The following KCNN3 variants were observed in gnomAD, a reference collection of about 807,000 sequenced individuals.
KCNN3 encodes the protein small conductance calcium-activated potassium channel protein 3.
A neutral mutation model predicts 62.9 loss-of-function variants in KCNN3; 16 were observed. The observed-to-expected ratio is 0.25, with a 90% CI of 0.17 to 0.39. KCNN3 has a LOEUF of 0.39. Among genes scored for constraint, KCNN3 ranks in the 10% least tolerant of loss-of-function variants. KCNN3 has a pLI of 1.00. For synonymous variants in KCNN3, 370 were observed against 389.2 expected, an observed-to-expected ratio of 0.95 and a Z score of 0.58; for missense variants, 599 against 949.4, an observed-to-expected ratio of 0.63 and a Z score of 4.85.
intron 7 of KCNN3, 77 bp from the exon 8 acceptor site, chr1:154,708,349 C>T: frequency 9.7e-6 from 14 of 1,438,172 alleles, no homozygotes; most frequent in South Asian, 4.6e-5. Context: ...AGAAATGAAA[C>T]GCCCTCCACA....
At chr1:154,781,744 A>G (rs1363722206) in intron 2 of KCNN3, among the ~76,000 whole-genome samples, 1 of 152,220 alleles carries the variant, frequency 6.6e-6, no homozygotes, top group Non-Finnish European at 1.5e-5. Context: ...TCATTCATTC[A>G]TTGAGCATGA....
At chr1:154,858,133 C>G (rs886875035) in intron 1 of KCNN3, among the ~76,000 whole-genome samples, 1 of 152,182 alleles carries the variant, frequency 6.6e-6, no homozygotes, top group African/African-American at 2.4e-5. Context: ...AAATGCCCTC[C>G]CACCAGGCTC....
chr1:154,825,529 C>T (rs1435693823), intron 1 of KCNN3, among the ~76,000 whole-genome samples: 2 of 151,672 alleles, frequency 1.3e-5, no homozygotes, highest in African/African-American at 4.8e-5. Context: ...CTACACCCGG[C>T]TAATTTTTTT....
chr1:154,760,595 G>A (rs1571248279), intron 3 of KCNN3, among the ~76,000 whole-genome samples: 1 of 152,224 alleles, frequency 6.6e-6, no homozygotes, highest in East Asian at 1.9e-4. Flanking sequence ...CCCTCCCTGC[G>A]CCCCCTGGCG....
Position 154,820,805 on chromosome 1 carries a change from G to T in KCNN3, c.1029+1284C>A, listed in dbSNP as rs1022506501. On this transcript the variant is annotated intron_variant, in intron 2 of 7. Transcript: ENST00000271915. Reference sequence around the variant, plus strand: ...CTGAAGAGTCCCAGCATCCAGGTCAGTATCCTCTAGTCATTGACAGAATGC... The same window carrying T: ...CTGAAGAGTCCCAGCATCCAGGTCATTATCCTCTAGTCATTGACAGAATGC... Among the ~76,000 whole-genome samples, 15 of 152,354 alleles carry T rather than the reference G, an allele frequency of 9.8e-5. No individual in the cohort carries two copies. The East Asian group carries it at 2.9e-3, about 29-fold the overall frequency.
intron 3 of KCNN3, among the ~76,000 whole-genome samples, chr1:154,745,172 T>C (rs1461276791): frequency 6.6e-6 from 1 of 152,188 alleles, no homozygotes; most frequent in African/African-American, 2.4e-5. Flanking sequence ...TAATTCAAGG[T>C]AACAGCCCTG....
intron 1 of KCNN3, chr1:154,859,889 C>CGCCGGGCGCGGTGGCTCACGCCTGT: frequency 6.8e-7 from 1 of 1,474,864 alleles, no homozygotes; most frequent in Non-Finnish European, 9.1e-7. Flanking sequence ...GAAAAATGCC[C>CGCCGGGCGCGGTGGCTCACGCCTGT]AACAAGCTGA....
At chr1:154,712,796 T>C (rs2101760942) in intron 7 of KCNN3, among the ~76,000 whole-genome samples, 1 of 152,200 alleles carries the variant, frequency 6.6e-6, no homozygotes, top group East Asian at 1.9e-4. Context: ...ACCTGGGTGA[T>C]TTGCAAGAGG....
chr1:154,810,343 C>T (rs575562606), intron 2 of KCNN3, among the ~76,000 whole-genome samples: 76 of 152,280 alleles, frequency 5.0e-4, no homozygotes, highest in African/African-American at 1.8e-3. Flanking sequence ...ATCAGGGACA[C>T]TGTGACTCCA....
Position 154,834,897 on chromosome 1 carries a change from C to T in KCNN3, c.934-12713G>A, listed in dbSNP as rs146667113. On this transcript the variant is annotated intron_variant, in intron 1 of 7. Coordinates refer to ENST00000271915, the MANE Select transcript of KCNN3 (RefSeq NM_002249.6). ...TGAGACCTACACCCTGAGCTCTTCA[C>T]GGAGGAGGTCGCTTGTTCCTGCTCC... 8.2e-3 allele frequency among the ~76,000 whole-genome samples: 1,246 copies of T among 152,290 alleles called. 20 individuals are homozygous for T. Among genetic ancestry groups the T allele is most frequent in the African/African-American group, 0.028 (1,155 of 41,546 alleles).
Position 154,822,142 on chromosome 1 carries a change from A to G in KCNN3, c.976T>C (p.Ser326Pro). The change falls in exon 2 of 8, where the codon TCC becomes CCC. Residue 326 changes from serine to proline, a missense_variant. By Grantham distance (74) the Ser-to-Pro change is moderately conservative (BLOSUM62 -1). Around this residue, in one of 7 missense-constraint regions of KCNN3, gnomAD observed 288 missense variants for 557.4 expected, o/e 0.52. Transcript: ENST00000271915. ...SLALKCLISL[S>P]TIILLGLIIA... ...ATCAAGCCCAAAAGGATGATGGTGG[A>G]CAGACTGATAAGGCATTTCAGGGCC... The G allele has an allele frequency of 6.2e-7, 1 of 1,614,170 alleles. No individual in the cohort carries two copies. Among genetic ancestry groups the G allele is most frequent in the Non-Finnish European group, 8.5e-7 (1 of 1,179,984 alleles).
intron 3 of KCNN3, among the ~76,000 whole-genome samples, chr1:154,753,997 T>C (rs949605093): frequency 2.6e-5 from 4 of 152,230 alleles, no homozygotes; most frequent in African/African-American, 9.6e-5. Context: ...AGGGGCCATG[T>C]GCTGTCCCTT....
intron 3 of KCNN3, among the ~76,000 whole-genome samples, chr1:154,744,925 CAAA>C (rs5777930): frequency 5.7e-4 from 75 of 132,438 alleles, no homozygotes; most frequent in African/African-American, 9.1e-4. Flanking sequence ...CACATTAAGG[CAAA>C]AAAAAAAAAA....
At chr1:154,744,752 G>A (rs1434670942) in intron 3 of KCNN3, among the ~76,000 whole-genome samples, 1 of 152,122 alleles carries the variant, frequency 6.6e-6, no homozygotes, top group Non-Finnish European at 1.5e-5. Context: ...AAAATGGGGT[G>A]AAATCATCAT....
Position 154,756,285 on chromosome 1 carries a change from AAGG to A in KCNN3, c.1448+15687_1448+15689del, listed in dbSNP as rs537090649. 4.9e-3 allele frequency among the ~76,000 whole-genome samples: 734 copies of A among 149,252 alleles called. 10 individuals carry two copies. The highest frequency in any genetic ancestry group is 0.017 in the African/African-American group (688 of 40,632). On this transcript the variant is annotated intron_variant, in intron 3 of 7. Coordinates refer to ENST00000271915, the MANE Select transcript of KCNN3 (RefSeq NM_002249.6). ...AGAAGAAGAAGACGACGACGATGAAAAGGAGGAGGAGGAGGAAGAGGAAGAGGA... is the reference window on the plus strand; with the variant it reads ...AGAAGAAGAAGACGACGACGATGAAAAGGAGGAGGAGGAAGAGGAAGAGGA...
Position 154,708,079 on chromosome 1 carries a change from A to C in KCNN3, c.2093T>G (p.Val698Gly). The change falls in exon 8 of 8, where the codon GTC becomes GGC. Residue 698 changes from valine to glycine, a missense_variant. By Grantham distance (109) the Val-to-Gly change is moderately radical. Transcript: ENST00000271915. ...LLSAIIEARG[V>G]SVAVGTTHTP... ...GTGGGTGGTGCCCACTGCCACGCTG[A>C]CACCCCGGGCCTCGATGATGGCAGA... The C allele has an allele frequency of 6.2e-7, 1 of 1,613,706 alleles. No individual in the cohort carries two copies.
At chr1:154,797,130 C>G (rs1374069527) in intron 2 of KCNN3, among the ~76,000 whole-genome samples, 4 of 152,228 alleles carry the variant, frequency 2.6e-5, no homozygotes, top group Non-Finnish European at 5.9e-5. Context: ...CACCTCGTCC[C>G]TCCCCCTAGA....
At chr1:154,781,408 T>A (rs572529066) in intron 2 of KCNN3, among the ~76,000 whole-genome samples, 1 of 152,344 alleles carries the variant, frequency 6.6e-6, no homozygotes, top group East Asian at 1.9e-4. Context: ...GTTTTCCATT[T>A]TCTCTGGGCT....
rs956328476 is a variant in KCNN3 at position 154,845,573 on chromosome 1, A to G, written c.934-23389T>C. Among the ~76,000 whole-genome samples the G allele has an allele frequency of 5.3e-5, 8 of 152,170 alleles. No homozygotes were observed. The South Asian group carries it at 1.7e-3, about 32-fold the overall frequency. On this transcript the variant is annotated intron_variant, in intron 1 of 7. Coordinates refer to ENST00000271915, the MANE Select transcript of KCNN3 (RefSeq NM_002249.6). ...TGACTAATGCACACCTGCTTCCCAC[A>G]CAGCAGGAGCCAAAGGTGTCTGCTT...
Sources: gnomAD v4.1 joint callset for allele counts (sites outside exome capture counted in the v4.1 genomes callset) on GRCh38, gnomAD v4.1.1 for gene constraint, gnomAD v4.1.1 regional missense constraint, MANE v1.5 for transcripts, NCBI Gene and HGNC (gene_info 2026-07-23, HGNC 2026-07-21) for gene names.